Variants in SEMA3A observed in about 807,000 individuals in gnomAD.
SEMA3A encodes semaphorin-3A.
In SEMA3A, 29 loss-of-function variants were observed where a neutral mutation model predicts 97.9. The ratio of observed to expected loss-of-function variants is 0.30; its 90% CI spans 0.22 to 0.40. The LOEUF (loss-of-function observed/expected upper bound fraction) is 0.40. Among genes scored for constraint, SEMA3A ranks in the 10% least tolerant of loss-of-function variants. The pLI is 1.00. For missense variants in SEMA3A, 763 were observed against 951.3 expected, an observed-to-expected ratio of 0.80 and a Z score of 2.60; for synonymous variants, 321 against 323.7, an observed-to-expected ratio of 0.99 and a Z score of 0.09.
In SEMA3A at chr7:83,957,572, C is replaced by T. The variant is rs1288763832; in HGVS notation, c.*3799G>A. 1 of 152,048 alleles carries T rather than the reference C, an allele frequency of 6.6e-6. No individual in the cohort carries two copies. Among genetic ancestry groups the T allele is most frequent in the African/African-American group, 2.4e-5 (1 of 41,410 alleles). The allele number at this position is 152,048 out of a possible 1,614,324, so 9.4% of individuals were successfully genotyped here. A position where few individuals can be genotyped will look rare whatever the true frequency, so the allele number is the denominator to read the frequency against. On this transcript the variant is annotated 3_prime_UTR_variant, in exon 17 of 17. Transcript: ENST00000265362. Reference sequence around the variant, plus strand: ...TACGTTGATTGCGAAACTGTCCTTACTATATGGGCTGTCACATATGCTGAT... The same window carrying T: ...TACGTTGATTGCGAAACTGTCCTTATTATATGGGCTGTCACATATGCTGAT...
chr7:84,133,835 G>A (rs1796035026), intron 2 of SEMA3A, among the ~76,000 whole-genome samples: 1 of 142,320 alleles, frequency 7.0e-6, no homozygotes, highest in South Asian at 2.3e-4. Flanking sequence ...CGGATCACTT[G>A]ATCAGGAGAT....
At chr7:84,476,228 T>G (rs372273980) in intron 1 of SEMA3A, among the ~76,000 whole-genome samples, 3 of 151,450 alleles carry the variant, frequency 2.0e-5, no homozygotes, top group African/African-American at 7.3e-5. Context: ...CGTGGTGGCG[T>G]GCACCTGTAA....
chr7:84,447,253 G>A (rs1391806844), intron 1 of SEMA3A, among the ~76,000 whole-genome samples: 1 of 152,280 alleles, frequency 6.6e-6, no homozygotes, highest in South Asian at 2.1e-4. Context: ...GGGCCTGCAG[G>A]CACCCTTTGG....
intron 2 of SEMA3A, among the ~76,000 whole-genome samples, chr7:84,131,575 T>C (rs1233798539): frequency 6.6e-6 from 1 of 152,142 alleles, no homozygotes; most frequent in Non-Finnish European, 1.5e-5. Context: ...GAAGAGGGAT[T>C]TGCCTAGTAT....
intron 4 of SEMA3A, among the ~76,000 whole-genome samples, chr7:84,070,281 A>ACTCT (rs1793691109): frequency 6.6e-6 from 1 of 151,750 alleles, no homozygotes; most frequent in South Asian, 2.1e-4. Context: ...TTTCAAGACC[A>ACTCT]CTCTCTCCCC....
intron 2 of SEMA3A, among the ~76,000 whole-genome samples, chr7:84,314,807 G>A (rs1388865353): frequency 6.6e-6 from 1 of 152,044 alleles, no homozygotes; most frequent in African/African-American, 2.4e-5. Flanking sequence ...CCTTAATACA[G>A]CAAGAATTTG....
intron 1 of SEMA3A, among the ~76,000 whole-genome samples, chr7:84,446,121 C>G (rs2527529): frequency 0.11 from 17,461 of 152,052 alleles, 1,890 homozygotes; most frequent in African/African-American, 0.27. Flanking sequence ...GGACATACTC[C>G]TAGAAACAAA....
At chr7:84,092,740 C>T (rs1463997258) in intron 4 of SEMA3A, among the ~76,000 whole-genome samples, 1 of 151,896 alleles carries the variant, frequency 6.6e-6, no homozygotes. Context: ...TTCTTATTTC[C>T]TCCTTCCCTC....
chr7:84,102,615 A>G (rs1794992394), intron 4 of SEMA3A, among the ~76,000 whole-genome samples: 1 of 63,028 alleles, frequency 1.6e-5, no homozygotes, highest in South Asian at 4.0e-4. Flanking sequence ...TTTTTTTAAC[A>G]GAGTCTCACT....
At chr7:84,303,682 C>G (rs1801082095) in intron 3 of SEMA3A, among the ~76,000 whole-genome samples, 1 of 152,002 alleles carries the variant, frequency 6.6e-6, no homozygotes, top group African/African-American at 2.4e-5. Context: ...CTTGGAATAC[C>G]CATACAACCA....
At chr7:84,407,533 G>T (rs954589234) in intron 1 of SEMA3A, among the ~76,000 whole-genome samples, 1 of 151,588 alleles carries the variant, frequency 6.6e-6, no homozygotes, top group Admixed American at 6.6e-5. Context: ...CACAGAATTG[G>T]AAAAAACTAC....
At chr7:84,316,707 T>C (rs184789492) in intron 2 of SEMA3A, among the ~76,000 whole-genome samples, 20 of 152,284 alleles carry the variant, frequency 1.3e-4, no homozygotes, top group Admixed American at 7.8e-4. Flanking sequence ...TTATCTTCCA[T>C]AATCACATTC....
intron 3 of SEMA3A, among the ~76,000 whole-genome samples, chr7:84,276,122 C>G (rs985576359): frequency 6.6e-6 from 1 of 151,936 alleles, no homozygotes; most frequent in African/African-American, 2.4e-5. Flanking sequence ...TTGATATTTA[C>G]CCAACATCTA....
intron 3 of SEMA3A, among the ~76,000 whole-genome samples, chr7:84,207,165 G>A (rs932641443): frequency 6.6e-6 from 1 of 152,210 alleles, no homozygotes; most frequent in Non-Finnish European, 1.5e-5. Flanking sequence ...CTTCAGTGGT[G>A]AGGCTCTTAT....
intron 2 of SEMA3A, among the ~76,000 whole-genome samples, chr7:84,324,200 G>A (rs544102307): frequency 6.6e-6 from 1 of 152,276 alleles, no homozygotes; most frequent in South Asian, 2.1e-4. Flanking sequence ...AAATATTGTT[G>A]AGCTACAGCA....
At chr7:84,222,109 G>A (rs1213133591) in intron 3 of SEMA3A, among the ~76,000 whole-genome samples, 2 of 151,822 alleles carry the variant, frequency 1.3e-5, no homozygotes, top group Non-Finnish European at 2.9e-5. Flanking sequence ...GACTTCTCAA[G>A]ATAGCAAGAC....
At chr7:84,382,818 T>C (rs943509612) in intron 1 of SEMA3A, among the ~76,000 whole-genome samples, 3 of 151,432 alleles carry the variant, frequency 2.0e-5, no homozygotes, top group East Asian at 3.9e-4. Context: ...GCTGAGCTTG[T>C]AGTGAGCCGA....
At chr7:84,479,964 T>G (rs1806399498) in intron 1 of SEMA3A, among the ~76,000 whole-genome samples, 1 of 152,212 alleles carries the variant, frequency 6.6e-6, no homozygotes, top group Non-Finnish European at 1.5e-5. Flanking sequence ...CAAACTTTCT[T>G]AAGCGAGGCA....
At chr7:83,978,222 C>T in intron 14 of SEMA3A, among the ~76,000 whole-genome samples, 1 of 152,080 alleles carries the variant, frequency 6.6e-6, no homozygotes, top group East Asian at 1.9e-4. Context: ...GGCAAGGCCT[C>T]CTCTTGCCAG....
Sources: allele counts gnomAD v4.1 joint callset (sites outside exome capture counted in the v4.1 genomes callset), GRCh38; gene constraint gnomAD v4.1.1; transcripts MANE v1.5; gene names NCBI Gene and HGNC (gene_info 2026-07-23, HGNC 2026-07-21).